PARG: variants seen among roughly 807,000 people sequenced by gnomAD.
PARG encodes the protein mitochondrial poly(ADP-ribose) glycohydrolase.
In PARG, 35 loss-of-function variants were observed where a neutral mutation model predicts 113.0. The observed-to-expected ratio is 0.31, with a 90% CI of 0.24 to 0.41. The LOEUF (loss-of-function observed/expected upper bound fraction) is 0.41, where lower values mean the gene tolerates loss of function less well. PARG is among the 10% of genes least tolerant of loss of function. The pLI, the probability that PARG is intolerant of heterozygous loss-of-function variation, is 1.00. For missense variants in PARG, 797 were observed against 1,169.4 expected (o/e 0.68, Z 4.64); for synonymous variants, 330 against 409.9 (o/e 0.81, Z 2.36).
chr10:49,920,514 ATATATG>A (rs1837780575), intron 6 of PARG, among the ~76,000 whole-genome samples: 1 of 136,726 alleles, frequency 7.3e-6, no homozygotes, highest in Non-Finnish European at 1.6e-5. Flanking sequence ...ACACACACAT[ATATATG>A]TATATACATG....
intron 4 of PARG, among the ~76,000 whole-genome samples, chr10:49,929,826 CAAA>C (rs1238299427): frequency 2.0e-4 from 17 of 84,858 alleles, no homozygotes; most frequent in Admixed American, 2.5e-4. Flanking sequence ...AAAACTCCAT[CAAA>C]AAAAAAAAAA....
intron 7 of PARG, among the ~76,000 whole-genome samples, chr10:49,886,176 G>T (rs559606952): frequency 6.6e-6 from 1 of 152,286 alleles, no homozygotes; most frequent in African/African-American, 2.4e-5. Context: ...CTACATTGAG[G>T]TCAATTAAAA....
At chr10:49,916,102 C>T in intron 6 of PARG, 111 bp from the exon 7 acceptor site, 1 of 702,772 alleles carries the variant, frequency 1.4e-6, no homozygotes, top group Non-Finnish European at 2.6e-6. Context: ...GTTAGACAAG[C>T]TTCCTACTAC....
chr10:49,866,821 T>C lies in PARG; in HGVS notation c.2069-1440A>G, dbSNP rs559512236. 1.1e-3 allele frequency among the ~76,000 whole-genome samples: 163 copies of C among 152,298 alleles called. 1 individual carries two copies. The Middle Eastern group carries it at 0.02, about 19-fold the overall frequency. ...TCATAAAATCACAATATATACTATA[T>C]ACAGGTCATAAATTTTCAAAAACCT... On this transcript the variant is annotated intron_variant, in intron 10 of 17. Coordinates refer to ENST00000616448, the MANE Select transcript of PARG (RefSeq NM_003631.5).
intron 15 of PARG, among the ~76,000 whole-genome samples, chr10:49,840,840 A>G (rs1297678086): frequency 6.6e-6 from 1 of 152,218 alleles, no homozygotes; most frequent in Non-Finnish European, 1.5e-5. Flanking sequence ...AGCCATGTAA[A>G]AACCACAAGC....
At chr10:49,882,154 T>A (rs556738004) in intron 8 of PARG, among the ~76,000 whole-genome samples, 10,363 of 151,372 alleles carry the variant, frequency 0.068, 497 homozygotes, top group African/African-American at 0.12. Context: ...CCTCTCTTGG[T>A]GAGGAGAAAT....
At chr10:49,906,423 G>A (rs561574020) in intron 7 of PARG, among the ~76,000 whole-genome samples, 7 of 152,076 alleles carry the variant, frequency 4.6e-5, no homozygotes, top group South Asian at 2.1e-4. Flanking sequence ...TAGTTTTTAC[G>A]ATGAATCTTC....
chr10:49,918,320 G>A (rs1177805337), intron 6 of PARG, among the ~76,000 whole-genome samples: 1 of 152,172 alleles, frequency 6.6e-6, no homozygotes, highest in African/African-American at 2.4e-5. Flanking sequence ...AGTAGCAATT[G>A]CATTCTAATT....
intron 7 of PARG, among the ~76,000 whole-genome samples, chr10:49,904,449 A>G (rs1415212536): frequency 5.9e-5 from 9 of 151,676 alleles, no homozygotes; most frequent in Non-Finnish European, 8.8e-5. Context: ...ACTGTAAAAC[A>G]TCAATTACAG....
intron 16 of PARG, among the ~76,000 whole-genome samples, chr10:49,826,092 T>C (rs1844345369): frequency 6.6e-6 from 1 of 152,226 alleles, no homozygotes; most frequent in Admixed American, 6.5e-5. Flanking sequence ...ATTTTGAATT[T>C]TGGATTTTCA....
chr10:49,889,985 G>A (rs1172240874), intron 7 of PARG, among the ~76,000 whole-genome samples: 3 of 152,110 alleles, frequency 2.0e-5, no homozygotes, highest in East Asian at 1.9e-4. Context: ...CCTGTACAAC[G>A]CAAACTGGGA....
intron 15 of PARG, among the ~76,000 whole-genome samples, chr10:49,841,108 C>G (rs985915437): frequency 1.5e-4 from 23 of 152,032 alleles, no homozygotes; most frequent in Non-Finnish European, 2.6e-4. Flanking sequence ...TAAAAATTAG[C>G]TGGGCGTGGT....
intron 7 of PARG, among the ~76,000 whole-genome samples, chr10:49,896,453 T>A (rs1435468338): frequency 6.6e-6 from 1 of 152,126 alleles, no homozygotes; most frequent in Non-Finnish European, 1.5e-5. Context: ...CCCAGCTAAT[T>A]TTTGTAATTT....
At chr10:49,931,306 TG>T (rs1838467201) in intron 4 of PARG, among the ~76,000 whole-genome samples, 1 of 152,076 alleles carries the variant, frequency 6.6e-6, no homozygotes, top group Non-Finnish European at 1.5e-5. Flanking sequence ...CCTTCTTGCC[TG>T]GGGACTAGAC....
At chr10:49,842,728 G>T (rs564865511) in intron 14 of PARG, among the ~76,000 whole-genome samples, 3 of 152,232 alleles carry the variant, frequency 2.0e-5, no homozygotes, top group Non-Finnish European at 2.9e-5. Context: ...ATATTGCTGT[G>T]CCAAGCAACT....
At chr10:49,894,847 C>A (rs1341053182) in intron 7 of PARG, among the ~76,000 whole-genome samples, 1 of 152,200 alleles carries the variant, frequency 6.6e-6, no homozygotes, top group Non-Finnish European at 1.5e-5. Flanking sequence ...GTTCTGGAGT[C>A]TAGAAATCTG....
chr10:49,819,282 C>A lies in PARG; in HGVS notation c.*58G>T. 1 of 1,380,172 alleles carries A rather than the reference C, an allele frequency of 7.2e-7. No individual in the cohort carries two copies. The highest frequency in any genetic ancestry group is 9.9e-7 in the Non-Finnish European group (1 of 1,007,574). 85.5% of individuals were successfully genotyped at this position (1,380,172 alleles called of 1,614,324 possible). The stretch of plus-strand genomic sequence containing the variant: ...AAGTCAATTCATATATTACACCTGA[C>A]AGCTCAAACAGGACGTCTCTGGTGG... On this transcript the variant is annotated 3_prime_UTR_variant, in exon 18 of 18. Transcript: ENST00000616448.
intron 8 of PARG, among the ~76,000 whole-genome samples, chr10:49,880,398 A>G (rs1170632980): frequency 4.6e-5 from 7 of 152,016 alleles, no homozygotes; most frequent in Admixed American, 1.3e-4. Flanking sequence ...GGACATGCAT[A>G]AGTTGTAAAA....
intron 13 of PARG, among the ~76,000 whole-genome samples, chr10:49,851,663 T>C (rs1845762799): frequency 7.4e-6 from 1 of 135,510 alleles, no homozygotes; most frequent in African/African-American, 2.7e-5. Flanking sequence ...GTTTCATGTC[T>C]AGGCACCTGG....
Sources: gnomAD v4.1 joint callset for allele counts (sites outside exome capture counted in the v4.1 genomes callset) on GRCh38, gnomAD v4.1.1 for gene constraint, MANE v1.5 for transcripts, NCBI Gene and HGNC (gene_info 2026-07-23, HGNC 2026-07-21) for gene names.